Variants in LRP2 observed in about 807,000 individuals in gnomAD.
LRP2 encodes the protein low-density lipoprotein receptor-related protein 2.
Under a neutral mutation model 531.0 loss-of-function variants are expected in LRP2, and 172 were observed. The observed-to-expected ratio is 0.32, with a 90% CI of 0.29 to 0.37. LRP2 has a LOEUF of 0.37. Ranked by LOEUF, LRP2 falls within the 10% of genes least tolerant of loss-of-function variation. LRP2 has a pLI of 1.00. For synonymous variants in LRP2, 1,992 were observed against 2,027.6 expected, an observed-to-expected ratio of 0.98 and a Z score of 0.47; for missense variants, 5,167 against 5,868.3, an observed-to-expected ratio of 0.88 and a Z score of 3.90.
intron 1 of LRP2, among the ~76,000 whole-genome samples, chr2:169,337,121 G>T (rs1054387967): frequency 6.6e-6 from 1 of 152,040 alleles, no homozygotes; most frequent in African/African-American, 2.4e-5. Flanking sequence ...AGTTTCCATG[G>T]CTCACGACCC....
At position 169,201,763 on chromosome 2, in the gene LRP2, C is replaced by A; in HGVS notation, c.8317G>T (p.Ala2773Ser). Reference sequence around the variant, plus strand: ...TTGCAGTCCCTGAACAGGCACCCTGCCTCATCACTGCCATCACCACAGTCA... The same window carrying A: ...TTGCAGTCCCTGAACAGGCACCCTGACTCATCACTGCCATCACCACAGTCA... ...YNDCGDGSDEAGCLFRDCNAT... is the reference protein window; with the variant it reads ...YNDCGDGSDESGCLFRDCNAT... The change falls in exon 44 of 79, where the codon GCA becomes TCA. Residue 2773 changes from alanine to serine, a missense_variant. Ala to Ser is a moderately conservative substitution (Grantham distance 99). Coordinates refer to ENST00000649046, the MANE Select transcript of LRP2 (RefSeq NM_004525.3). 1 of 1,614,210 alleles carries A rather than the reference C, an allele frequency of 6.2e-7. No homozygotes were observed. Among genetic ancestry groups the A allele is most frequent in the Non-Finnish European group, 8.5e-7 (1 of 1,180,046 alleles).
Position 169,226,581 on chromosome 2 carries a change from T to G in LRP2, c.5235A>C (p.Gln1745His). The G allele has an allele frequency of 6.2e-7, 1 of 1,610,148 alleles. No homozygotes were observed. Among genetic ancestry groups the G allele is most frequent in the Non-Finnish European group, 8.5e-7 (1 of 1,176,774 alleles). ...PDLLNCLRDD[Q>H]PFLITVRQHI... ...GTTGCCTTACAGTTATTAAGAAAGG[T>G]TGATCATCTGTGAAAATAGAAGAAT... Residue 1745 changes from glutamine to histidine, a missense_variant, in exon 32 of 79, where the codon CAA becomes CAC. Around this residue, in one of 6 missense-constraint regions of LRP2, gnomAD observed 2,811 missense variants for 3,058.0 expected, o/e 0.92. Transcript: ENST00000649046.
rs1208438874 is a variant in LRP2, at chr2:169,206,120, T to A, written c.7459A>T (p.Asn2487Tyr). 1.2e-6 allele frequency: 2 copies of A among 1,614,222 alleles called. No individual in the cohort carries two copies. The highest frequency in any genetic ancestry group is 2.2e-5 in the South Asian group (2 of 91,084). The change falls in exon 40 of 79, where the codon AAC (asparagine) becomes TAC (tyrosine). Residue 2487 changes from asparagine to tyrosine, a missense_variant. Asn to Tyr is a moderately radical substitution (Grantham distance 143). Around this residue, in one of 6 missense-constraint regions of LRP2, gnomAD observed 1,129 missense variants for 1,362.7 expected, o/e 0.83. Coordinates refer to ENST00000649046, the MANE Select transcript of LRP2 (RefSeq NM_004525.3). ...TCAGCCATGGAATTAATCATCTGGT[T>A]GAGGTAGTCACTGTAATAAATTCTT... The part of the protein sequence containing the change: ...TRRIYYSDYL[N>Y]QMINSMAEDG...
At chr2:169,355,694 A>G (rs1685969272) in intron 1 of LRP2, among the ~76,000 whole-genome samples, 2 of 152,236 alleles carry the variant, frequency 1.3e-5, no homozygotes, top group Non-Finnish European at 2.9e-5. Context: ...GCCGCTTTAC[A>G]TCAAAGGAGA....
At chr2:169,161,560 C>T (rs1359157904) in intron 63 of LRP2, among the ~76,000 whole-genome samples, 2 of 152,018 alleles carry the variant, frequency 1.3e-5, no homozygotes, top group African/African-American at 4.8e-5. Flanking sequence ...CACTGCAGCC[C>T]CTACCTGCAC....
Position 169,191,865 on chromosome 2 carries a change from C to T in LRP2, c.8999G>A (p.Cys3000Tyr). Residue 3000 changes from cysteine (C) to tyrosine (Y), a missense_variant, in exon 48 of 79, where the codon TGT becomes TAT. Physicochemically the swap from Cys to Tyr is radical, Grantham distance 194. Transcript: ENST00000649046. ...RRTCSENEFT[C>Y]GYGLCIPKIF... ...CTTTGGGATACACAGTCCGTAACCA[C>T]AGGTGAATTCATTTTCAGAGCAAGT... 1.9e-6 allele frequency: 3 copies of T among 1,614,106 alleles called. No individual in the cohort carries two copies. Among genetic ancestry groups the T allele is most frequent in the Non-Finnish European group, 2.5e-6 (3 of 1,180,014 alleles).
intron 4 of LRP2, among the ~76,000 whole-genome samples, chr2:169,305,581 G>C (rs1286603390): frequency 2.6e-5 from 4 of 152,150 alleles, no homozygotes; most frequent in African/African-American, 9.7e-5. Flanking sequence ...TCTTCCGTTG[G>C]AGACATAATA....
intron 75 of LRP2, among the ~76,000 whole-genome samples, chr2:169,138,046 A>G (rs577006614): frequency 6.6e-6 from 1 of 152,114 alleles, no homozygotes; most frequent in Non-Finnish European, 1.5e-5. Context: ...GTATTATTTT[A>G]CCTGTTTTAC....
intron 4 of LRP2, among the ~76,000 whole-genome samples, chr2:169,300,514 G>A (rs372728413): frequency 1.3e-5 from 2 of 152,004 alleles, no homozygotes; most frequent in Non-Finnish European, 2.9e-5. Flanking sequence ...GAGGGTAAAC[G>A]GAAACAGCCA....
chr2:169,182,228 C>A lies in LRP2; in HGVS notation c.9937G>T (p.Asp3313Tyr), dbSNP rs1040939643. ...TCAAAGCAGAAGGTGTTGTTGGCAT[C>A]CACACAGTGCTGGGCCAGCATGCGG... ...HRRMLAQHCV[D>Y]ANNTFCFDNP... The change falls in exon 51 of 79, where the codon GAT becomes TAT. Residue 3313 changes from aspartate to tyrosine, a missense_variant. Physicochemically the swap from Asp to Tyr is radical, Grantham distance 160. This residue lies in a region of LRP2 where 1,129 missense variants were observed against 1,362.7 expected (regional missense o/e 0.83). Coordinates refer to ENST00000649046, the MANE Select transcript of LRP2 (RefSeq NM_004525.3). 2 of 1,614,004 alleles carry A rather than the reference C, an allele frequency of 1.2e-6. No individual in the cohort carries two copies. The highest frequency in any genetic ancestry group is 1.7e-5 in the Admixed American group (1 of 59,984).
chr2:169,329,972 G>A (rs1487469813), intron 1 of LRP2, among the ~76,000 whole-genome samples: 2 of 152,208 alleles, frequency 1.3e-5, no homozygotes, highest in East Asian at 3.9e-4. Flanking sequence ...ATTCCCATAG[G>A]AGCACAAACC....
chr2:169,286,358 T>C (rs1243465719), intron 9 of LRP2, among the ~76,000 whole-genome samples: 1 of 152,232 alleles, frequency 6.6e-6, no homozygotes, highest in African/African-American at 2.4e-5. Flanking sequence ...ATGTCTGTTG[T>C]GGAACTTAAA....
chr2:169,306,176 A>G (rs1385355113), intron 4 of LRP2, among the ~76,000 whole-genome samples: 4 of 151,778 alleles, frequency 2.6e-5, no homozygotes, highest in African/African-American at 7.3e-5. Context: ...TAAAATATAT[A>G]TATATTAAAA....
At chr2:169,314,901 A>G (rs1684716163) in intron 3 of LRP2, among the ~76,000 whole-genome samples, 1 of 152,214 alleles carries the variant, frequency 6.6e-6, no homozygotes, top group African/African-American at 2.4e-5. Flanking sequence ...TTCACATAAA[A>G]TTAAAGAACT....
Position 169,259,345 on chromosome 2 carries a change from TA to T in LRP2, c.2321-129del, listed in dbSNP as rs58193729. 0.085 allele frequency: 34,683 copies of T among 408,760 alleles called. 205 individuals carry two copies. Among genetic ancestry groups the T allele is most frequent in the South Asian group, 0.16 (6,021 of 37,660 alleles). 25.3% of individuals were successfully genotyped at this position (408,760 alleles called of 1,614,324 possible). On this transcript the variant is annotated intron_variant, in intron 16 of 78. Coordinates refer to ENST00000649046, the MANE Select transcript of LRP2 (RefSeq NM_004525.3). ...TTTCAGGAACACATGTGGAATTCTT[TA>T]AAAAAAAAAAAAAAAAAAAACTCTG...
At chr2:169,251,574 A>C (rs1293700629) in intron 19 of LRP2, among the ~76,000 whole-genome samples, 18 of 32,076 alleles carry the variant, frequency 5.6e-4, no homozygotes, top group Admixed American at 1.4e-3. Context: ...CATCACAATT[A>C]AAAGAACTAG....
intron 13 of LRP2, among the ~76,000 whole-genome samples, chr2:169,277,375 TTTATTGGGGGAAGG>T (rs1321693131): frequency 2.0e-5 from 3 of 152,004 alleles, no homozygotes; most frequent in Non-Finnish European, 4.4e-5. Flanking sequence ...AAAACATGTA[TTTATTGGGGGAAGG>T]TTAGAAAATT....
intron 1 of LRP2, among the ~76,000 whole-genome samples, chr2:169,347,092 A>G (rs543593983): frequency 6.6e-6 from 1 of 152,200 alleles, no homozygotes; most frequent in African/African-American, 2.4e-5. Flanking sequence ...TTTCATCCCC[A>G]TTAAAACATA....
intron 29 of LRP2, among the ~76,000 whole-genome samples, chr2:169,234,759 T>C (rs1172556140): frequency 6.6e-6 from 1 of 152,224 alleles, no homozygotes; most frequent in Non-Finnish European, 1.5e-5. Context: ...AAAGCATTCC[T>C]ATTTTTAATG....
Sources: gnomAD v4.1 joint callset for allele counts (sites outside exome capture counted in the v4.1 genomes callset) on GRCh38, gnomAD v4.1.1 for gene constraint, gnomAD v4.1.1 regional missense constraint, MANE v1.5 for transcripts, NCBI Gene and HGNC (gene_info 2026-07-23, HGNC 2026-07-21) for gene names.